Variants in SHANK2 observed in about 807,000 individuals in gnomAD.
The protein encoded by SHANK2 is SH3 and multiple ankyrin repeat domains protein 2.
SHANK2 carries 43 observed loss-of-function variants against 133.7 expected under a neutral mutation model. The ratio of observed to expected loss-of-function variants is 0.32; its 90% confidence interval spans 0.25 to 0.41. SHANK2 has a LOEUF of 0.41. Among genes scored for constraint, SHANK2 ranks in the 10% least tolerant of loss-of-function variants. The pLI is 1.00. For synonymous variants in SHANK2, 1,017 were observed against 952.8 expected, an observed-to-expected ratio of 1.07 and a Z score of -1.24; for missense variants, 1,994 against 2,235.8, an observed-to-expected ratio of 0.89 and a Z score of 2.18.
rs561110590 is a variant in SHANK2, at chr11:71,169,241, G to A, written c.-12-21903C>T. 2.0e-5 allele frequency among the ~76,000 whole-genome samples: 3 copies of A among 152,242 alleles called. No homozygotes were observed. In the South Asian group the frequency reaches 6.2e-4, roughly 32 times the overall value. On this transcript the variant is annotated intron_variant, in intron 2 of 25. Coordinates refer to ENST00000601538, the MANE Select transcript of SHANK2 (RefSeq NM_012309.5). ...TAATTGACAGCTTCTGATTGACTAA[G>A]CTCGTGTTTCATTTTTCTTTAATAT...
At chr11:70,656,068 G>A (rs1031727574) in intron 17 of SHANK2, among the ~76,000 whole-genome samples, 3 of 152,090 alleles carry the variant, frequency 2.0e-5, no homozygotes, top group Non-Finnish European at 4.4e-5. Context: ...ATGCACTACC[G>A]TCATCCAGGA....
chr11:71,194,435 C>T (rs1474169219), intron 2 of SHANK2, among the ~76,000 whole-genome samples: 1 of 152,214 alleles, frequency 6.6e-6, no homozygotes, highest in Non-Finnish European at 1.5e-5. Context: ...CAAACCCCAA[C>T]GCCACTCACC....
intron 2 of SHANK2, among the ~76,000 whole-genome samples, chr11:71,166,335 T>C (rs1188855990): frequency 6.6e-6 from 1 of 152,076 alleles, no homozygotes; most frequent in Non-Finnish European, 1.5e-5. Flanking sequence ...AGGATCTAGG[T>C]AAGGACAAGC....
At chr11:70,829,129 A>G (rs567149306) in intron 11 of SHANK2, among the ~76,000 whole-genome samples, 1 of 152,276 alleles carries the variant, frequency 6.6e-6, no homozygotes, top group South Asian at 2.1e-4. Flanking sequence ...CCATGTGACA[A>G]TCCTGCATCT....
chr11:71,155,999 C>T (rs1555109044), intron 2 of SHANK2, among the ~76,000 whole-genome samples: 3 of 152,194 alleles, frequency 2.0e-5, no homozygotes, highest in Non-Finnish European at 4.4e-5. Flanking sequence ...AGAAGAGGGA[C>T]TCTGGACACA....
At chr11:71,215,507 C>T (rs528236984) in intron 2 of SHANK2, among the ~76,000 whole-genome samples, 8 of 152,176 alleles carry the variant, frequency 5.3e-5, no homozygotes, top group Admixed American at 3.9e-4. Flanking sequence ...GCCCCCTGAG[C>T]GAACGTGAGG....
chr11:71,221,769 G>C (rs1954546186), intron 2 of SHANK2, among the ~76,000 whole-genome samples: 1 of 152,176 alleles, frequency 6.6e-6, no homozygotes, highest in African/African-American at 2.4e-5. Flanking sequence ...GCAAGGGGAG[G>C]TGATCGGTAG....
intron 11 of SHANK2, among the ~76,000 whole-genome samples, chr11:70,860,039 T>G (rs1485393560): frequency 6.6e-6 from 1 of 151,990 alleles, no homozygotes; most frequent in Non-Finnish European, 1.5e-5. Flanking sequence ...CCCGACTATC[T>G]CCCTCCCTGC....
intron 4 of SHANK2, 28 bp downstream of exon 4, chr11:71,118,801 A>T (rs1322677944): frequency 6.7e-7 from 1 of 1,502,484 alleles, no homozygotes; most frequent in East Asian, 2.5e-5. Context: ...ACACAACCAC[A>T]GTCCATGCAC....
chr11:70,900,850 T>C (rs1453207538), intron 10 of SHANK2, among the ~76,000 whole-genome samples: 41 of 152,060 alleles, frequency 2.7e-4, no homozygotes, highest in Admixed American at 2.7e-3. Context: ...GGGTCTTATG[T>C]GACATCTCAG....
intron 5 of SHANK2, among the ~76,000 whole-genome samples, chr11:71,110,728 GCA>G (rs1477795057): frequency 7.9e-5 from 12 of 152,240 alleles, no homozygotes; most frequent in African/African-American, 2.9e-4. Context: ...CACAGGGTGA[GCA>G]CAGTGTCTGG....
At chr11:70,743,096 C>CCTCTG (rs1215946416) in intron 14 of SHANK2, among the ~76,000 whole-genome samples, 2 of 152,144 alleles carry the variant, frequency 1.3e-5, no homozygotes, top group Non-Finnish European at 2.9e-5. Flanking sequence ...CGTGCATCTG[C>CCTCTG]CGGTGCTGAG....
intron 17 of SHANK2, among the ~76,000 whole-genome samples, chr11:70,642,034 G>A (rs1288803744): frequency 6.6e-6 from 1 of 152,204 alleles, no homozygotes; most frequent in Non-Finnish European, 1.5e-5. Context: ...AGAAGGCTAC[G>A]GGGGACTGGG....
intron 17 of SHANK2, among the ~76,000 whole-genome samples, chr11:70,536,557 G>C (rs1554974223): frequency 6.6e-6 from 1 of 152,092 alleles, no homozygotes; most frequent in Non-Finnish European, 1.5e-5. Context: ...GCTGCGGTGG[G>C]CACAGGGCCC....
intron 14 of SHANK2, among the ~76,000 whole-genome samples, chr11:70,726,290 T>C (rs1555030651): frequency 6.6e-6 from 1 of 152,180 alleles, no homozygotes; most frequent in African/African-American, 2.4e-5. Flanking sequence ...AAAGAGCTCT[T>C]GCCTGTCTGT....
chr11:70,912,051 C>T (rs1272162321), intron 10 of SHANK2, among the ~76,000 whole-genome samples: 8 of 123,562 alleles, frequency 6.5e-5, no homozygotes, highest in Middle Eastern at 0.013. Context: ...CACTGCACTC[C>T]AGCCTGGGCA....
intron 10 of SHANK2, among the ~76,000 whole-genome samples, chr11:70,937,443 C>T (rs781790634): frequency 1.3e-5 from 2 of 152,200 alleles, no homozygotes; most frequent in Non-Finnish European, 2.9e-5. Flanking sequence ...ATGTGACCTT[C>T]GGATGATGGA....
At chr11:70,914,802 G>A (rs1950247432) in intron 10 of SHANK2, among the ~76,000 whole-genome samples, 1 of 150,936 alleles carries the variant, frequency 6.6e-6, no homozygotes. Flanking sequence ...GCGAAGGGAG[G>A]ATCCCTTGAG....
chr11:70,617,830 G>A (rs2060772714), intron 17 of SHANK2, among the ~76,000 whole-genome samples: 1 of 152,108 alleles, frequency 6.6e-6, no homozygotes, highest in African/African-American at 2.4e-5. Context: ...ACACACCGGG[G>A]CCTGTTGTGG....
Sources: gnomAD v4.1 joint callset for allele counts (sites outside exome capture counted in the v4.1 genomes callset) on GRCh38, gnomAD v4.1.1 for gene constraint, MANE v1.5 for transcripts, NCBI Gene and HGNC (gene_info 2026-07-23, HGNC 2026-07-21) for gene names.